BTBD8: variants seen among roughly 807,000 people sequenced by gnomAD.
The protein encoded by BTBD8 is BTB domain containing 8, also known as BTB/POZ domain-containing protein 8.
A neutral mutation model predicts 162.9 loss-of-function variants in BTBD8; 110 were observed. The ratio of observed to expected loss-of-function variants is 0.68; its 90% CI spans 0.58 to 0.79. The LOEUF is 0.79. Ranked by LOEUF, BTBD8 falls within the 30% of genes least tolerant of loss-of-function variation. BTBD8 has a pLI of 0.00. For missense variants in BTBD8, 1,905 were observed against 2,085.4 expected (o/e 0.91, Z 1.68); for synonymous variants, 667 against 716.1 (o/e 0.93, Z 1.10).
chr1:92,130,523 T>A (rs2893199), intron 5 of BTBD8, among the ~76,000 whole-genome samples: 93,569 of 145,806 alleles, frequency 0.64, 30,658 homozygotes, highest in East Asian at 0.94. Context: ...AAAAAAAATA[T>A]ATATATATAT....
Position 92,182,012 on chromosome 1 carries a change from T to C in BTBD8, c.4329T>C (p.Asp1443=). Residue 1443 remains aspartate (D), a synonymous_variant, in exon 17 of 18, where the codon GAT becomes GAC. Coordinates refer to ENST00000636805, the MANE Select transcript of BTBD8 (RefSeq NM_001376131.1). ...KFKRSVLLSV[D]ECEELGSDEG... is the part of the protein sequence containing the mutation. Reference sequence around the variant, plus strand: ...AAAGGTCAGTTTTACTTTCAGTCGATGAATGTGAAGAGCTGGGATCAGATG... The same window carrying C: ...AAAGGTCAGTTTTACTTTCAGTCGACGAATGTGAAGAGCTGGGATCAGATG... 2 of 1,551,586 alleles carry C rather than the reference T, an allele frequency of 1.3e-6. No individual in the cohort carries two copies. The highest frequency in any genetic ancestry group is 1.7e-6 in the Non-Finnish European group (2 of 1,146,904).
chr1:92,080,569 G>T lies in BTBD8; in HGVS notation c.-3G>T. On this transcript the variant is annotated 5_prime_UTR_variant, in exon 1 of 18. Coordinates refer to ENST00000636805, the MANE Select transcript of BTBD8 (RefSeq NM_001376131.1). ...CCTCCAGGGCGTCGTACCTCTGTGA[G>T]ACATGGCTCGCTGTGGGGAAGGCAG... 6.2e-7 allele frequency: 1 copy of T among 1,613,834 alleles called. No individual in the cohort carries two copies. The highest frequency in any genetic ancestry group is 1.1e-5 in the South Asian group (1 of 91,066).
intron 5 of BTBD8, among the ~76,000 whole-genome samples, chr1:92,131,485 A>G (rs1649513827): frequency 1.3e-5 from 2 of 152,202 alleles, no homozygotes; most frequent in South Asian, 4.1e-4. Flanking sequence ...GCATTTCAGG[A>G]GGCCAGGGCG....
intron 2 of BTBD8, among the ~76,000 whole-genome samples, chr1:92,094,320 C>A (rs185505806): frequency 1.3e-5 from 2 of 152,212 alleles, no homozygotes; most frequent in East Asian, 3.9e-4. Context: ...TGTGACGTAC[C>A]CTTTTTTGGT....
At chr1:92,142,365 A>G (rs138997754) in intron 7 of BTBD8, among the ~76,000 whole-genome samples, 148 of 152,352 alleles carry the variant, frequency 9.7e-4, no homozygotes, top group Middle Eastern at 6.8e-3. Flanking sequence ...ATGTCTTCTC[A>G]TCCCCTAGAT....
chr1:92,165,955 CTAAT>C (rs989475401), intron 9 of BTBD8, among the ~76,000 whole-genome samples: 5 of 152,142 alleles, frequency 3.3e-5, no homozygotes, highest in African/African-American at 1.2e-4. Context: ...TATCAAGTAA[CTAAT>C]TAATAAATAG....
chr1:92,161,216 G>A (rs1202556510), intron 9 of BTBD8, among the ~76,000 whole-genome samples: 1 of 152,194 alleles, frequency 6.6e-6, no homozygotes, highest in African/African-American at 2.4e-5. Context: ...GAGAAGGAGG[G>A]TTTAGGGCTT....
Position 92,180,356 on chromosome 1 carries a change from T to C in BTBD8, c.2673T>C (p.Thr891=). 1 of 1,551,550 alleles carries C rather than the reference T, an allele frequency of 6.4e-7. No individual in the cohort carries two copies. The highest frequency in any genetic ancestry group is 1.4e-5 in the African/African-American group (1 of 73,092). Reference sequence around the variant, plus strand: ...TGGCAAAGTTGGACCACAATACAACTACAGAGAAACAAGCACCTAAGAGAA... The same window carrying C: ...TGGCAAAGTTGGACCACAATACAACCACAGAGAAACAAGCACCTAAGAGAA... ...ENVAKLDHNT[T]TEKQAPKRKM... The change falls in exon 17 of 18, where the codon ACT becomes ACC. Residue 891 remains threonine (T), a synonymous_variant. Coordinates refer to ENST00000636805, the MANE Select transcript of BTBD8 (RefSeq NM_001376131.1).
chr1:92,125,360 C>T, intron 4 of BTBD8: 2 of 222,750 alleles, frequency 9.0e-6, no homozygotes, highest in African/African-American at 2.3e-5. Flanking sequence ...AGAATGTGAG[C>T]TCTACCTCCA....
rs1277795011 is a variant in BTBD8, at chr1:92,140,241, C to T, written c.833+811C>T. The stretch of plus-strand genomic sequence containing the variant: ...GATCGAGATCTGCCTGGGACTGTAG[C>T]GAGACCCGGTTCTTGGGGGAAAAAA... On this transcript the variant is annotated intron_variant, in intron 6 of 17. Transcript: ENST00000636805. Among the ~76,000 whole-genome samples, 4 of 140,324 alleles carry T rather than the reference C, an allele frequency of 2.9e-5. No homozygotes were observed. In the East Asian group the frequency reaches 8.6e-4, roughly 30 times the overall value. The allele number at this position is 140,324 out of a possible 152,430, so 92.1% of individuals were successfully genotyped here. A position where few individuals can be genotyped will look rare whatever the true frequency, so the allele number is the denominator to read the frequency against.
chr1:92,092,778 T>G (rs1415558220), intron 2 of BTBD8, among the ~76,000 whole-genome samples: 1 of 152,222 alleles, frequency 6.6e-6, no homozygotes, highest in African/African-American at 2.4e-5. Flanking sequence ...ATGTATCTTT[T>G]ATATGTCTAA....
chr1:92,144,488 A>AT lies in BTBD8; in HGVS notation c.931-2679dup, dbSNP rs11346013. ...TTTATAGGATTTTGGTAGGCTTTAC[A>AT]TTTTTTTTTTTTTGTCACCAATTAA... On this transcript the variant is annotated intron_variant, in intron 7 of 17. Coordinates refer to ENST00000636805, the MANE Select transcript of BTBD8 (RefSeq NM_001376131.1). Among the ~76,000 whole-genome samples the AT allele has an allele frequency of 9.8e-4, 142 of 145,086 alleles. No individual in the cohort carries two copies. In the Middle Eastern group the frequency reaches 0.01, roughly 11 times the overall value.
chr1:92,155,013 G>C (rs1163226915), intron 9 of BTBD8, among the ~76,000 whole-genome samples: 1 of 152,148 alleles, frequency 6.6e-6, no homozygotes, highest in African/African-American at 2.4e-5. Flanking sequence ...GTTTGTTGAA[G>C]AGACTTTCCT....
At position 92,180,744 on chromosome 1, in the gene BTBD8, A is replaced by G; in HGVS notation, c.3061A>G (p.Lys1021Glu). The G allele has an allele frequency of 1.3e-6, 2 of 1,551,806 alleles. No homozygotes were observed. Among genetic ancestry groups the G allele is most frequent in the Non-Finnish European group, 1.7e-6 (2 of 1,147,026 alleles). ...ACAAAAGCCATTAAACGATCAAGAA[A>G]AAGAGAAGTTGGCGTTAGAATGCCA... The part of the protein sequence containing the change: ...DPQKPLNDQE[K>E]EKLALECQNI... Residue 1021 changes from lysine (K) to glutamate (E), a missense_variant, in exon 17 of 18, where the codon AAA becomes GAA. Transcript: ENST00000636805.
chr1:92,115,517 C>A, intron 4 of BTBD8: 1 of 406,406 alleles, frequency 2.5e-6, no homozygotes, highest in South Asian at 2.0e-5. Flanking sequence ...CAGTGGACTC[C>A]ATAACATAAT....
intron 9 of BTBD8, among the ~76,000 whole-genome samples, chr1:92,153,851 A>G (rs1650098746): frequency 6.6e-6 from 1 of 152,112 alleles, no homozygotes; most frequent in Non-Finnish European, 1.5e-5. Context: ...TCCTGATTTC[A>G]GTTCTTTTGA....
rs1400876417 is a variant in BTBD8 at position 92,177,003 on chromosome 1, C to G, written c.1810C>G (p.Gln604Glu). The G allele has an allele frequency of 6.5e-7, 1 of 1,547,430 alleles. No individual in the cohort carries two copies. Among genetic ancestry groups the G allele is most frequent in the East Asian group, 2.4e-5 (1 of 40,880 alleles). Residue 604 changes from glutamine to glutamate, a missense_variant, in exon 14 of 18, where the codon CAA becomes GAA. Gln to Glu is a conservative substitution (Grantham distance 29, BLOSUM62 2). Around this residue, in one of 3 missense-constraint regions of BTBD8, gnomAD observed 1,374 missense variants for 1,442.7 expected, o/e 0.95. Coordinates refer to ENST00000636805, the MANE Select transcript of BTBD8 (RefSeq NM_001376131.1). ...AAATAGTATAAATAAAACTCTGAAGCAAGATGATGTAAAGGAAAAAGATGG... is the reference window on the plus strand; with the variant it reads ...AAATAGTATAAATAAAACTCTGAAGGAAGATGATGTAAAGGAAAAAGATGG... ...NRNSINKTLK[Q>E]DDVKEKDGTK...
At chr1:92,089,600 G>T (rs962177165) in intron 2 of BTBD8, among the ~76,000 whole-genome samples, 1 of 152,140 alleles carries the variant, frequency 6.6e-6, no homozygotes, top group Admixed American at 6.6e-5. Context: ...TCAGTGCCTG[G>T]TGAGGGTTAG....
At chr1:92,083,437 C>T (rs916728695) in intron 1 of BTBD8, among the ~76,000 whole-genome samples, 1 of 152,118 alleles carries the variant, frequency 6.6e-6, no homozygotes, top group Non-Finnish European at 1.5e-5. Context: ...TGGCCAGTGG[C>T]TAACCTTGGT....
Sources: allele counts gnomAD v4.1 joint callset (sites outside exome capture counted in the v4.1 genomes callset), GRCh38; gene constraint gnomAD v4.1.1; regional missense constraint gnomAD v4.1.1; transcripts MANE v1.5; gene names NCBI Gene and HGNC (gene_info 2026-07-23, HGNC 2026-07-21).